Variants in CTNNA3 observed in about 807,000 individuals in gnomAD.
CTNNA3 encodes catenin alpha-3.
Under a neutral mutation model 95.7 loss-of-function variants are expected in CTNNA3, and 76 were observed. The observed-to-expected ratio is 0.79, with a 90% confidence interval of 0.66 to 0.96. The LOEUF is 0.96. Ranked by LOEUF, CTNNA3 falls within the 40% of genes least tolerant of loss-of-function variation. CTNNA3 has a pLI of 0.00. For synonymous variants in CTNNA3, 431 were observed against 374.4 expected (o/e 1.15, Z -1.74); for missense variants, 1,191 against 1,089.8 (o/e 1.09, Z -1.31).
chr10:67,591,902 A>C (rs1166019953), intron 3 of CTNNA3, among the ~76,000 whole-genome samples: 1 of 135,724 alleles, frequency 7.4e-6, no homozygotes. Context: ...TACTGACAGC[A>C]ACAGGAGACA....
chr10:67,142,393 A>T (rs533881606), intron 7 of CTNNA3, among the ~76,000 whole-genome samples: 1 of 152,288 alleles, frequency 6.6e-6, no homozygotes, highest in Non-Finnish European at 1.5e-5. Context: ...ATGTGTGTAT[A>T]TATCAACTTT....
At chr10:66,002,430 T>C (rs1347476174) in intron 15 of CTNNA3, among the ~76,000 whole-genome samples, 1 of 152,200 alleles carries the variant, frequency 6.6e-6, no homozygotes, top group Non-Finnish European at 1.5e-5. Flanking sequence ...AATTGCTCCA[T>C]GAAAGAGGGA....
intron 7 of CTNNA3, among the ~76,000 whole-genome samples, chr10:67,109,352 TTAAA>T (rs1858803208): frequency 6.6e-6 from 1 of 152,234 alleles, no homozygotes; most frequent in Non-Finnish European, 1.5e-5. Context: ...TTTTGCTTCT[TTAAA>T]TAAGTATTTC....
Position 65,915,925 on chromosome 10 carries a change from G to A in CTNNA3, c.*4405C>T, listed in dbSNP as rs553880049. 1 of 152,276 alleles carries A rather than the reference G, an allele frequency of 6.6e-6. No homozygotes were observed. The highest frequency in any genetic ancestry group is 2.4e-5 in the African/African-American group (1 of 41,566). 9.4% of individuals were successfully genotyped at this position (152,276 alleles called of 1,614,324 possible). ...CTTTCTCTTTGAGATGACTAAGATAGCGTTAGTAGCCTCATTCAAAACATT... is the reference window on the plus strand; with the variant it reads ...CTTTCTCTTTGAGATGACTAAGATAACGTTAGTAGCCTCATTCAAAACATT... On this transcript the variant is annotated 3_prime_UTR_variant, in exon 18 of 18. Transcript: ENST00000433211.
chr10:66,078,083 A>C (rs1431640756), intron 14 of CTNNA3, among the ~76,000 whole-genome samples: 1 of 151,842 alleles, frequency 6.6e-6, no homozygotes, highest in East Asian at 1.9e-4. Flanking sequence ...TTGTCTTCCA[A>C]CAACAGGCAA....
At chr10:67,642,925 G>T (rs1382702667) in intron 2 of CTNNA3, among the ~76,000 whole-genome samples, 1 of 151,206 alleles carries the variant, frequency 6.6e-6, no homozygotes, top group Admixed American at 6.6e-5. Flanking sequence ...ATTTCTCAAA[G>T]ACCTAGATGC....
In CTNNA3 at chr10:67,149,561, G is replaced by A. The variant is rs142902015; in HGVS notation, c.1047+30756C>T. 7.2e-3 allele frequency among the ~76,000 whole-genome samples: 1,093 copies of A among 152,156 alleles called. 21 individuals carry two copies. The highest frequency in any genetic ancestry group is 0.025 in the African/African-American group (1,036 of 41,496). On this transcript the variant is annotated intron_variant, in intron 7 of 17. Coordinates refer to ENST00000433211, the MANE Select transcript of CTNNA3 (RefSeq NM_013266.4). ...GATTGCGCCACTGCACTCCAGCCTG[G>A]GCAACAGAGATAGACTCCGTCTCAA...
At chr10:66,466,273 C>G (rs1838907449) in intron 11 of CTNNA3, among the ~76,000 whole-genome samples, 1 of 150,836 alleles carries the variant, frequency 6.6e-6, no homozygotes, top group Non-Finnish European at 1.5e-5. Flanking sequence ...CAAGTCAATC[C>G]CTTAAAATAA....
At chr10:67,336,403 T>C (rs181170860) in intron 5 of CTNNA3, among the ~76,000 whole-genome samples, 10 of 152,240 alleles carry the variant, frequency 6.6e-5, no homozygotes, top group South Asian at 2.1e-4. Flanking sequence ...AGAAGAAAAG[T>C]TGGAAGCTCG....
chr10:66,685,191 GTGTATATATATATACGTA>G (rs1847213635), intron 9 of CTNNA3, among the ~76,000 whole-genome samples: 2 of 72,102 alleles, frequency 2.8e-5, no homozygotes, highest in Non-Finnish European at 5.1e-5. Context: ...ATATATATAC[GTGTATATATATATACGTA>G]TATATATGTG....
chr10:66,426,654 T>A (rs1427960219), intron 11 of CTNNA3, among the ~76,000 whole-genome samples: 1 of 151,944 alleles, frequency 6.6e-6, no homozygotes, highest in Non-Finnish European at 1.5e-5. Flanking sequence ...TCTAGTAGCT[T>A]TTAAATTGCC....
chr10:67,218,654 C>A (rs1422705131), intron 6 of CTNNA3, among the ~76,000 whole-genome samples: 1 of 152,218 alleles, frequency 6.6e-6, no homozygotes, highest in African/African-American at 2.4e-5. Context: ...TCATTCATGT[C>A]CCACATCCAT....
chr10:66,380,653 A>T (rs2092831577), intron 11 of CTNNA3, among the ~76,000 whole-genome samples: 1 of 149,048 alleles, frequency 6.7e-6, no homozygotes, highest in Non-Finnish European at 1.5e-5. Context: ...TAAATTAATT[A>T]TATATAGTTA....
intron 12 of CTNNA3, among the ~76,000 whole-genome samples, chr10:66,314,049 A>G (rs2092063279): frequency 6.6e-6 from 1 of 152,128 alleles, no homozygotes; most frequent in South Asian, 2.1e-4. Context: ...AAATAAATAT[A>G]CTCATACATA....
chr10:67,482,202 T>C (rs1269328476), intron 5 of CTNNA3, among the ~76,000 whole-genome samples: 2 of 151,178 alleles, frequency 1.3e-5, no homozygotes, highest in African/African-American at 2.4e-5. Context: ...AGCTTTGTTC[T>C]TTTGGCTTAG....
intron 13 of CTNNA3, among the ~76,000 whole-genome samples, chr10:66,261,451 T>A (rs1033326839): frequency 4.6e-5 from 7 of 152,132 alleles, no homozygotes; most frequent in African/African-American, 1.4e-4. Flanking sequence ...TTGCCTTTAA[T>A]TAATAAAATA....
chr10:66,429,084 C>G (rs981823832), intron 11 of CTNNA3, among the ~76,000 whole-genome samples: 2 of 151,712 alleles, frequency 1.3e-5, no homozygotes, highest in Non-Finnish European at 2.9e-5. Context: ...CACCACCGAT[C>G]CCACAGAAAT....
intron 4 of CTNNA3, 77 bp downstream of exon 4, chr10:67,539,426 A>G: frequency 1.3e-6 from 2 of 1,503,980 alleles, no homozygotes; most frequent in East Asian, 4.6e-5. Context: ...AAGATGCACT[A>G]GGATCGACGC....
chr10:66,323,570 T>G (rs112599795), intron 12 of CTNNA3, among the ~76,000 whole-genome samples: 1,733 of 151,140 alleles, frequency 0.011, 33 homozygotes, highest in African/African-American at 0.04. Flanking sequence ...AAGAATCGCT[T>G]GAACCCAGGA....
Sources: gnomAD v4.1 joint callset for allele counts (sites outside exome capture counted in the v4.1 genomes callset) on GRCh38, gnomAD v4.1.1 for gene constraint, MANE v1.5 for transcripts, NCBI Gene and HGNC (gene_info 2026-07-23, HGNC 2026-07-21) for gene names.